The following CTNNA3 variants were observed in gnomAD, a reference collection of about 807,000 sequenced individuals.
CTNNA3 encodes catenin alpha-3.
Under a neutral mutation model 95.7 loss-of-function variants are expected in CTNNA3, and 76 were observed. The ratio of observed to expected loss-of-function variants is 0.79; its 90% confidence interval spans 0.66 to 0.96. The LOEUF is 0.96. Among genes scored for constraint, CTNNA3 ranks in the 40% least tolerant of loss-of-function variants. The pLI, the probability that CTNNA3 is intolerant of heterozygous loss-of-function variation, is 0.00. For missense variants in CTNNA3, 1,191 were observed against 1,089.8 expected, an observed-to-expected ratio of 1.09 and a Z score of -1.31; for synonymous variants, 431 against 374.4, an observed-to-expected ratio of 1.15 and a Z score of -1.74.
intron 11 of CTNNA3, among the ~76,000 whole-genome samples, chr10:66,482,730 G>GTTTGT (rs772242980): frequency 2.6e-5 from 4 of 152,076 alleles, no homozygotes; most frequent in African/African-American, 7.2e-5. Context: ...TACAGGCCTA[G>GTTTGT]TTTGTTTTGT....
intron 15 of CTNNA3, among the ~76,000 whole-genome samples, chr10:66,066,906 ACT>A (rs1422798934): frequency 6.6e-6 from 1 of 151,868 alleles, no homozygotes; most frequent in African/African-American, 2.4e-5. Flanking sequence ...TTTTCTATAG[ACT>A]CTTTTCATGT....
At chr10:66,357,379 T>A (rs2092619185) in intron 12 of CTNNA3, among the ~76,000 whole-genome samples, 1 of 152,116 alleles carries the variant, frequency 6.6e-6, no homozygotes, top group African/African-American at 2.4e-5. Flanking sequence ...CTTTAAAGTG[T>A]ACAATTCAGT....
intron 15 of CTNNA3, among the ~76,000 whole-genome samples, chr10:66,052,978 T>A (rs903959183): frequency 6.6e-6 from 1 of 152,080 alleles, no homozygotes; most frequent in African/African-American, 2.4e-5. Context: ...ATGCATAGAA[T>A]ATATTCATTA....
intron 6 of CTNNA3, among the ~76,000 whole-genome samples, chr10:67,207,273 T>C (rs1863945797): frequency 6.6e-6 from 1 of 152,172 alleles, no homozygotes; most frequent in African/African-American, 2.4e-5. Flanking sequence ...CTAATAACTC[T>C]CATAATTCAG....
At chr10:67,540,416 A>T (rs1008058334) in intron 3 of CTNNA3, among the ~76,000 whole-genome samples, 1 of 151,998 alleles carries the variant, frequency 6.6e-6, no homozygotes, top group Non-Finnish European at 1.5e-5. Flanking sequence ...AAAGTACTAT[A>T]ATACGTGTCC....
At chr10:66,796,629 T>A (rs1317761487) in intron 7 of CTNNA3, among the ~76,000 whole-genome samples, 7 of 152,056 alleles carry the variant, frequency 4.6e-5, no homozygotes, top group African/African-American at 1.7e-4. Context: ...CTTCGATTTG[T>A]AAAAACCACC....
intron 5 of CTNNA3, among the ~76,000 whole-genome samples, chr10:67,521,013 T>C (rs913000137): frequency 6.6e-6 from 1 of 152,176 alleles, no homozygotes; most frequent in African/African-American, 2.4e-5. Flanking sequence ...CTAGACTCTA[T>C]CCATCATGGA....
chr10:66,272,794 A>G (rs1008750309), intron 13 of CTNNA3, among the ~76,000 whole-genome samples: 1 of 152,154 alleles, frequency 6.6e-6, no homozygotes. Context: ...GACACAATTA[A>G]TACTACACTG....
At chr10:66,205,540 T>C (rs2131932391) in intron 13 of CTNNA3, among the ~76,000 whole-genome samples, 1 of 152,078 alleles carries the variant, frequency 6.6e-6, no homozygotes, top group East Asian at 1.9e-4. Flanking sequence ...TTCTAGAATC[T>C]AACTTGTGTG....
At chr10:66,150,992 T>C (rs72795335) in intron 13 of CTNNA3, among the ~76,000 whole-genome samples, 22,966 of 152,040 alleles carry the variant, frequency 0.15, 2,163 homozygotes, top group Middle Eastern at 0.22. Context: ...GTCTAATTTA[T>C]ATATTTGCAT....
intron 8 of CTNNA3, among the ~76,000 whole-genome samples, chr10:66,772,545 A>G (rs1840134607): frequency 6.6e-6 from 1 of 152,190 alleles, no homozygotes; most frequent in Non-Finnish European, 1.5e-5. Flanking sequence ...AATAATGGGG[A>G]TTAAGTCAGG....
At chr10:66,554,243 A>G (rs908981651) in intron 10 of CTNNA3, among the ~76,000 whole-genome samples, 1 of 152,118 alleles carries the variant, frequency 6.6e-6, no homozygotes, top group African/African-American at 2.4e-5. Context: ...TGTTTTTGTT[A>G]ATAAGTAGTT....
intron 10 of CTNNA3, among the ~76,000 whole-genome samples, chr10:66,604,706 A>G (rs994437055): frequency 6.6e-6 from 1 of 151,796 alleles, no homozygotes; most frequent in African/African-American, 2.4e-5. Context: ...TCACTCCCTA[A>G]AGTCTTCCAG....
chr10:67,210,654 C>T (rs543922098), intron 6 of CTNNA3, among the ~76,000 whole-genome samples: 40 of 151,974 alleles, frequency 2.6e-4, no homozygotes, highest in African/African-American at 8.7e-4. Flanking sequence ...ATCCATTTTT[C>T]CATAGCTATT....
intron 9 of CTNNA3, among the ~76,000 whole-genome samples, chr10:66,758,796 G>T (rs887660578): frequency 6.6e-6 from 1 of 152,004 alleles, no homozygotes; most frequent in African/African-American, 2.4e-5. Flanking sequence ...TTAGCCATGC[G>T]TGGTGGCAGG....
At chr10:67,302,080 AAAGAAAGAAAG>A (rs1840343612) in intron 5 of CTNNA3, among the ~76,000 whole-genome samples, 3 of 120,220 alleles carry the variant, frequency 2.5e-5, no homozygotes, top group Non-Finnish European at 3.8e-5. Flanking sequence ...AGAAAGAAAG[AAAGAAAGAAAG>A]AAAGAAAATC....
At chr10:66,898,301 G>C (rs892595836) in intron 7 of CTNNA3, among the ~76,000 whole-genome samples, 9 of 152,092 alleles carry the variant, frequency 5.9e-5, no homozygotes, top group Non-Finnish European at 1.5e-5. Context: ...ATATAGTAAG[G>C]TTGTTCTTTG....
chr10:66,728,778 G>C (rs35211019), intron 9 of CTNNA3, among the ~76,000 whole-genome samples: 3,410 of 152,180 alleles, frequency 0.022, 149 homozygotes, highest in East Asian at 0.2. Flanking sequence ...AGTAGAGACA[G>C]GGTTTCACCA....
At chr10:66,890,938 C>T (rs1246237004) in intron 7 of CTNNA3, among the ~76,000 whole-genome samples, 6 of 151,990 alleles carry the variant, frequency 3.9e-5, no homozygotes, top group African/African-American at 1.2e-4. Flanking sequence ...CATTTGTGTG[C>T]CCCACCCACC....
Sources: gnomAD v4.1 joint callset for allele counts (sites outside exome capture counted in the v4.1 genomes callset) on GRCh38, gnomAD v4.1.1 for gene constraint, MANE v1.5 for transcripts, NCBI Gene and HGNC (gene_info 2026-07-23, HGNC 2026-07-21) for gene names.